ZNF444: variants seen among roughly 807,000 people sequenced by gnomAD.
The protein encoded by ZNF444 is zinc finger protein 444, also known as endothelial zinc finger protein 2.
Under a neutral mutation model 14.4 loss-of-function variants are expected in ZNF444, and 8 were observed. The observed-to-expected ratio is 0.56, with a 90% confidence interval of 0.33 to 1.00. The LOEUF (loss-of-function observed/expected upper bound fraction) is 1.00, where lower values mean the gene tolerates loss of function less well. Among genes scored for constraint, ZNF444 ranks in the 50% least tolerant of loss-of-function variants. The pLI is 0.03. For missense variants in ZNF444, 510 were observed against 504.8 expected (o/e 1.01, Z -0.10); for synonymous variants, 258 against 235.9 (o/e 1.09, Z -0.86).
chr19:56,133,433 C>T (rs2030535681), intron 1 of ZNF444, among the ~76,000 whole-genome samples: 1 of 152,158 alleles, frequency 6.6e-6, no homozygotes, highest in African/African-American at 2.4e-5. Context: ...ACACCTGCTG[C>T]TGGCCTTAAA....
intron 2 of ZNF444, among the ~76,000 whole-genome samples, chr19:56,146,676 C>G (rs2031203326): frequency 6.6e-6 from 1 of 152,170 alleles, no homozygotes; most frequent in African/African-American, 2.4e-5. Context: ...GTAATTCCCG[C>G]TACTCAGGAA....
upstream of ZNF444, among the ~76,000 whole-genome samples, chr19:56,140,680 G>A (rs752306418): frequency 3.3e-5 from 5 of 151,784 alleles, no homozygotes; most frequent in Non-Finnish European, 7.4e-5. Flanking sequence ...GGTGGAGAGG[G>A]AGGACAAAAA....
At chr19:56,141,952 T>G (rs1310792440) in intron 1 of ZNF444, among the ~76,000 whole-genome samples, 1 of 152,146 alleles carries the variant, frequency 6.6e-6, no homozygotes, top group Non-Finnish European at 1.5e-5. Context: ...GCTTTCTCAG[T>G]GCGGAGCATC....
chr19:56,139,715 CAAAAA>C (rs10690874), upstream of ZNF444, among the ~76,000 whole-genome samples: 42 of 143,350 alleles, frequency 2.9e-4, no homozygotes, highest in South Asian at 8.8e-4. Flanking sequence ...AACAAAAAAC[CAAAAA>C]AAAAAAAAGA....
upstream of ZNF444, among the ~76,000 whole-genome samples, chr19:56,139,765 C>T (rs983119290): frequency 2.0e-5 from 3 of 151,026 alleles, no homozygotes; most frequent in Non-Finnish European, 4.4e-5. Flanking sequence ...TATTTTTGGC[C>T]TCAACATTTG....
Position 56,160,172 on chromosome 19 carries a change from G to C in ZNF444, c.955G>C (p.Gly319Arg). ...GGTAGCTCCGGGCCCGGATGGTGGA[G>C]GCCCCTTCCCGCCCTGGCCCTTGGG... ...GAVAPGPDGGGPFPPWPLG is the reference protein window; with the variant it reads ...GAVAPGPDGGRPFPPWPLG Residue 319 changes from glycine (G) to arginine (R), a missense_variant, in exon 5 of 5, where the codon GGC (glycine) becomes CGC (arginine). Gly to Arg is a moderately radical substitution (Grantham distance 125, BLOSUM62 -2). Transcript: ENST00000337080. 1 of 1,475,130 alleles carries C rather than the reference G, an allele frequency of 6.8e-7. No individual in the cohort carries two copies. Among genetic ancestry groups the C allele is most frequent in the Non-Finnish European group, 8.9e-7 (1 of 1,122,922 alleles). The allele number at this position is 1,475,130 out of a possible 1,614,324, so 91.4% of individuals were successfully genotyped here.
upstream of ZNF444, among the ~76,000 whole-genome samples, chr19:56,137,407 T>TTGCAA (rs2030636369): frequency 6.6e-6 from 1 of 151,236 alleles, no homozygotes; most frequent in African/African-American, 2.4e-5. Flanking sequence ...GAGAAGGGGG[T>TTGCAA]TGCAATGAGC....
upstream of ZNF444, among the ~76,000 whole-genome samples, chr19:56,136,671 C>T (rs771865684): frequency 2.0e-5 from 3 of 152,142 alleles, no homozygotes; most frequent in Non-Finnish European, 4.4e-5. Flanking sequence ...TAGAAGGTAC[C>T]GATGCATAGG....
Position 56,159,666 on chromosome 19 carries a change from C to T in ZNF444, c.449C>T (p.Ser150Phe), listed in dbSNP as rs1034407461. The T allele has an allele frequency of 1.3e-6, 2 of 1,508,084 alleles. No homozygotes were observed. The highest frequency in any genetic ancestry group is 2.5e-5 in the East Asian group (1 of 40,102). 93.4% of individuals were successfully genotyped at this position (1,508,084 alleles called of 1,614,324 possible). The change falls in exon 5 of 5, where the codon TCC (serine) becomes TTC (phenylalanine). Residue 150 changes from serine (S) to phenylalanine (F), a missense_variant. Ser to Phe is a radical substitution (Grantham distance 155, BLOSUM62 -2). Transcript: ENST00000337080. Reference sequence around the variant, plus strand: ...GCTGAGGGGCCGGCGCCTGGGGACTCCCAGGCTGTGCGCCCCTACAAGCAG... The same window carrying T: ...GCTGAGGGGCCGGCGCCTGGGGACTTCCAGGCTGTGCGCCCCTACAAGCAG... ...PGAEGPAPGDSQAVRPYKQEP... is the reference protein window; with the variant it reads ...PGAEGPAPGDFQAVRPYKQEP...
chr19:56,153,672 A>T (rs984284583), intron 3 of ZNF444, among the ~76,000 whole-genome samples: 1 of 152,150 alleles, frequency 6.6e-6, no homozygotes, highest in Non-Finnish European at 1.5e-5. Context: ...TTTAAGACGG[A>T]TGGGGGCAGG....
At position 56,160,298 on chromosome 19, in the gene ZNF444, C is replaced by T. The variant is rs2123580438; in HGVS notation, c.*97C>T. 1 of 1,007,420 alleles carries T rather than the reference C, an allele frequency of 9.9e-7. No homozygotes were observed. Among genetic ancestry groups the T allele is most frequent in the South Asian group, 2.0e-5 (1 of 51,086 alleles). 62.4% of individuals were successfully genotyped at this position (1,007,420 alleles called of 1,614,324 possible). ...ACTTGGCCTCTTCCTCTCCTCCTTC[C>T]CTCCCATCGTCCTCCTCCACCTGCG... On this transcript the variant is annotated 3_prime_UTR_variant, in exon 5 of 5. Coordinates refer to ENST00000337080, the MANE Select transcript of ZNF444 (RefSeq NM_018337.4).
intron 3 of ZNF444, among the ~76,000 whole-genome samples, chr19:56,148,624 C>T (rs949961422): frequency 6.6e-6 from 1 of 152,192 alleles, no homozygotes; most frequent in Admixed American, 6.5e-5. Flanking sequence ...CTCGCCCCTC[C>T]TCTGCTCCTG....
At chr19:56,148,046 G>GC (rs2031314013) in intron 3 of ZNF444, among the ~76,000 whole-genome samples, 1 of 90,836 alleles carries the variant, frequency 1.1e-5, no homozygotes, top group Non-Finnish European at 2.2e-5. Context: ...GAGTCCTGTC[G>GC]GGGGATGTGT....
At chr19:56,139,402 A>G (rs2030688618), upstream of ZNF444, among the ~76,000 whole-genome samples, 1 of 152,064 alleles carries the variant, frequency 6.6e-6, no homozygotes. Flanking sequence ...GAAAAAGAGG[A>G]ATTGGCTGGG....
chr19:56,153,889 A>C (rs933385634), intron 3 of ZNF444, among the ~76,000 whole-genome samples: 8 of 152,204 alleles, frequency 5.3e-5, no homozygotes, highest in Non-Finnish European at 1.0e-4. Context: ...TTCAATGTAG[A>C]AGCCAAACTC....
intron 3 of ZNF444, among the ~76,000 whole-genome samples, chr19:56,153,031 A>G (rs1458947410): frequency 6.6e-6 from 1 of 152,150 alleles, no homozygotes; most frequent in Non-Finnish European, 1.5e-5. Flanking sequence ...ATCCTCTGCC[A>G]GCTAGTAGAC....
At chr19:56,152,100 G>A (rs966725126) in intron 3 of ZNF444, among the ~76,000 whole-genome samples, 11 of 152,184 alleles carry the variant, frequency 7.2e-5, no homozygotes, top group South Asian at 2.1e-4. Flanking sequence ...GGGAGGCCAA[G>A]GTGGGCAGAT....
At chr19:56,153,725 A>G (rs1163712787) in intron 3 of ZNF444, among the ~76,000 whole-genome samples, 1 of 152,146 alleles carries the variant, frequency 6.6e-6, no homozygotes, top group Non-Finnish European at 1.5e-5. Context: ...CCAGTGGGGT[A>G]GGCCTGGGAG....
intron 4 of ZNF444, 57 bp from the exon 5 acceptor site, chr19:56,159,567 G>A: frequency 7.2e-7 from 1 of 1,386,168 alleles, no homozygotes; most frequent in Non-Finnish European, 9.4e-7. Context: ...CCCAGCCTGT[G>A]CTGTCCTTGC....
Sources: gnomAD v4.1 joint callset for allele counts (sites outside exome capture counted in the v4.1 genomes callset) on GRCh38, gnomAD v4.1.1 for gene constraint, MANE v1.5 for transcripts, NCBI Gene and HGNC (gene_info 2026-07-23, HGNC 2026-07-21) for gene names.